Variants in WWOX observed in about 807,000 individuals in gnomAD.
The protein encoded by WWOX is WW domain containing oxidoreductase.
Under a neutral mutation model 46.2 loss-of-function variants are expected in WWOX, and 69 were observed. That is an observed-to-expected ratio of 1.49 (90% CI 1.23 to 1.82). The LOEUF (loss-of-function observed/expected upper bound fraction) is 1.82, where lower values mean the gene tolerates loss of function less well. WWOX is among the 40% of genes most tolerant of loss of function. The pLI is 0.00. For missense variants in WWOX, 919 were observed against 542.6 expected (o/e 1.69, Z -6.89); for synonymous variants, 359 against 202.6 (o/e 1.77, Z -6.56).
chr16:78,372,357 C>T lies in WWOX; in HGVS notation c.517-14503C>T, dbSNP rs555605941. 2.4e-4 allele frequency among the ~76,000 whole-genome samples: 36 copies of T among 152,240 alleles called. 1 individual carries two copies. The highest frequency in any genetic ancestry group is 5.2e-4 in the Admixed American group (8 of 15,286). ...TTTCAGAAAGGCAGCCCATTCATGC[C>T]GTCTACCCCCCTGCTGCTCTATATA... On this transcript the variant is annotated intron_variant, in intron 5 of 8. Coordinates refer to ENST00000566780, the MANE Select transcript of WWOX (RefSeq NM_016373.4).
intron 8 of WWOX, among the ~76,000 whole-genome samples, chr16:78,728,038 TC>T (rs1368121945): frequency 1.4e-5 from 2 of 143,834 alleles, no homozygotes; most frequent in African/African-American, 5.1e-5. Context: ...CCTTCCTCTT[TC>T]CTCTCTCCCT....
chr16:78,499,119 A>G (rs1311198494), intron 8 of WWOX, among the ~76,000 whole-genome samples: 2 of 152,170 alleles, frequency 1.3e-5, no homozygotes, highest in African/African-American at 2.4e-5. Context: ...TTTCCTAAGT[A>G]TGAAAACCAT....
chr16:79,047,841 C>T (rs2048094419), intron 8 of WWOX, among the ~76,000 whole-genome samples: 1 of 151,896 alleles, frequency 6.6e-6, no homozygotes, highest in Non-Finnish European at 1.5e-5. Context: ...TGTAGTCCTG[C>T]ATGAATGAAG....
intron 8 of WWOX, among the ~76,000 whole-genome samples, chr16:79,104,561 G>T (rs1352143626): frequency 6.6e-6 from 1 of 152,142 alleles, no homozygotes; most frequent in African/African-American, 2.4e-5. Flanking sequence ...ATTATGTACG[G>T]TTAAGTATTG....
intron 8 of WWOX, among the ~76,000 whole-genome samples, chr16:79,088,461 A>G (rs929000894): frequency 6.6e-6 from 1 of 152,198 alleles, no homozygotes; most frequent in Non-Finnish European, 1.5e-5. Flanking sequence ...AGCACAGGTG[A>G]ATGGTGCAAG....
rs1404315228 is a variant in WWOX at position 78,351,730 on chromosome 16, C to T, written c.517-35130C>T. Among the ~76,000 whole-genome samples the T allele has an allele frequency of 5.3e-5, 8 of 152,246 alleles. No homozygotes were observed. The South Asian group carries it at 1.7e-3, about 32-fold the overall frequency. The stretch of plus-strand genomic sequence containing the variant: ...GGAATGCAGTGGCACGATGTTGGCT[C>T]ACTGCAAACCCTGCCTCCCAGGTTC... On this transcript the variant is annotated intron_variant, in intron 5 of 8. Transcript: ENST00000566780.
intron 8 of WWOX, among the ~76,000 whole-genome samples, chr16:78,646,858 G>A (rs2738588): frequency 0.43 from 64,879 of 151,948 alleles, 16,444 homozygotes; most frequent in Middle Eastern, 0.62. Context: ...TAACTCTGCT[G>A]TGTCACGCTG....
rs1366069244 is a variant in WWOX at position 78,432,424 on chromosome 16, A to G, written c.792-64A>G. 84 of 1,597,354 alleles carry G rather than the reference A, an allele frequency of 5.3e-5. No individual in the cohort carries two copies. In the East Asian group the frequency reaches 1.8e-3, roughly 34 times the overall value. On this transcript the variant is annotated intron_variant, in intron 7 of 8. Coordinates refer to ENST00000566780, the MANE Select transcript of WWOX (RefSeq NM_016373.4). ...CCCAGCATTCCTTAGATTTCCAATA[A>G]AAATAAAAAGCTGTGTGGGAAGTCA...
intron 8 of WWOX, among the ~76,000 whole-genome samples, chr16:78,986,064 G>A (rs942299864): frequency 4.6e-5 from 7 of 152,212 alleles, no homozygotes; most frequent in African/African-American, 1.7e-4. Context: ...TGTCCACGAT[G>A]GCATGGGAGC....
intron 8 of WWOX, among the ~76,000 whole-genome samples, chr16:78,523,626 G>A (rs1303885220): frequency 6.6e-6 from 1 of 152,190 alleles, no homozygotes; most frequent in Non-Finnish European, 1.5e-5. Flanking sequence ...TCCACCTTGG[G>A]TGAAAAAACT....
chr16:78,331,458 G>A (rs902281174), intron 5 of WWOX, among the ~76,000 whole-genome samples: 10 of 152,306 alleles, frequency 6.6e-5, no homozygotes, highest in South Asian at 4.1e-4. Flanking sequence ...CAGTTTATAT[G>A]TAGGTGAGAT....
At position 78,345,910 on chromosome 16, in the gene WWOX, C is replaced by G. The variant is rs1460435459; in HGVS notation, c.517-40950C>G. 3.4e-5 allele frequency among the ~76,000 whole-genome samples: 4 copies of G among 119,154 alleles called. 1 individual carries two copies. The highest frequency in any genetic ancestry group is 7.9e-5 in the Non-Finnish European group (4 of 50,336). The allele number at this position is 119,154 out of a possible 152,430, so 78.2% of individuals were successfully genotyped here. On this transcript the variant is annotated intron_variant, in intron 5 of 8. Coordinates refer to ENST00000566780, the MANE Select transcript of WWOX (RefSeq NM_016373.4). The stretch of plus-strand genomic sequence containing the variant: ...AATAAATTGCATCCATTTAAATATA[C>G]AATTCAATGAGTTTTGACAGATGCA...
At chr16:78,173,664 C>G (rs2035236453) in intron 5 of WWOX, among the ~76,000 whole-genome samples, 3 of 152,076 alleles carry the variant, frequency 2.0e-5, no homozygotes, top group Admixed American at 2.0e-4. Context: ...GATTCTGGCA[C>G]ATAGTAAAGA....
intron 5 of WWOX, among the ~76,000 whole-genome samples, chr16:78,336,121 A>T (rs1281455208): frequency 2.0e-5 from 3 of 151,658 alleles, no homozygotes; most frequent in Admixed American, 6.6e-5. Context: ...AAACCAAAAG[A>T]CTAAATGTAT....
chr16:78,408,104 C>A (rs1023585450), intron 6 of WWOX, among the ~76,000 whole-genome samples: 2 of 152,064 alleles, frequency 1.3e-5, no homozygotes, highest in African/African-American at 2.4e-5. Context: ...CTGTTGAAAC[C>A]CCACTTCCAA....
At chr16:78,356,770 G>T (rs560565162) in intron 5 of WWOX, among the ~76,000 whole-genome samples, 1 of 151,984 alleles carries the variant, frequency 6.6e-6, no homozygotes, top group African/African-American at 2.4e-5. Flanking sequence ...TAATCCCAGC[G>T]ACTCGGGAGG....
chr16:79,048,298 G>A (rs139417164), intron 8 of WWOX, among the ~76,000 whole-genome samples: 3 of 152,190 alleles, frequency 2.0e-5, no homozygotes, highest in East Asian at 3.9e-4. Context: ...GCAAAGCTCA[G>A]ATGGAAGCCC....
At chr16:78,922,919 C>T (rs2045411849) in intron 8 of WWOX, among the ~76,000 whole-genome samples, 1 of 151,818 alleles carries the variant, frequency 6.6e-6, no homozygotes, top group Non-Finnish European at 1.5e-5. Context: ...TTTTTATTTG[C>T]CTAGAAATCT....
intron 8 of WWOX, among the ~76,000 whole-genome samples, chr16:78,858,079 C>G (rs1263960174): frequency 2.0e-5 from 3 of 151,252 alleles, no homozygotes; most frequent in African/African-American, 7.3e-5. Flanking sequence ...TTTAAATACT[C>G]TATAGCAAAA....
Sources: gnomAD v4.1 joint callset for allele counts (sites outside exome capture counted in the v4.1 genomes callset) on GRCh38, gnomAD v4.1.1 for gene constraint, MANE v1.5 for transcripts, NCBI Gene and HGNC (gene_info 2026-07-23, HGNC 2026-07-21) for gene names.